Variants in DCDC2C observed in about 807,000 individuals in gnomAD.
The protein encoded by DCDC2C is doublecortin domain containing 2C, also known as doublecortin domain-containing protein 2C.
Under a neutral mutation model 45.0 loss-of-function variants are expected in DCDC2C, and 44 were observed. That is an observed-to-expected ratio of 0.98 (90% CI 0.77 to 1.26). The LOEUF (loss-of-function observed/expected upper bound fraction) is 1.26, where lower values mean the gene tolerates loss of function less well. DCDC2C is among the 50% of genes most tolerant of loss of function. The pLI is 0.00. For synonymous variants in DCDC2C, 187 were observed against 178.8 expected (o/e 1.05, Z -0.37); for missense variants, 447 against 468.9 (o/e 0.95, Z 0.43).
chr2:3,816,399 A>C (rs1671560217), intron 10 of DCDC2C, among the ~76,000 whole-genome samples: 1 of 152,170 alleles, frequency 6.6e-6, no homozygotes, highest in Non-Finnish European at 1.5e-5. Flanking sequence ...AGATTGATTT[A>C]GGTAAAAACA....
rs1375198374 is a variant in DCDC2C at position 3,703,990 on chromosome 2, C to A, written c.239C>A (p.Ala80Glu). The A allele has an allele frequency of 1.5e-6, 2 of 1,294,442 alleles. No homozygotes were observed. The highest frequency in any genetic ancestry group is 2.0e-6 in the Non-Finnish European group (2 of 1,020,992). The allele number at this position is 1,294,442 out of a possible 1,614,324, so 80.2% of individuals were successfully genotyped here. ...HRVLGLDALQ[A>E]GGKYVAAGRE... ...GTGCTGGGGCTGGACGCGCTGCAGG[C>A]GGGCGGCAAGTACGTGGCGGCGGGC... The change falls in exon 1 of 11, where the codon GCG (alanine) becomes GAG (glutamate). Residue 80 changes from alanine (A) to glutamate (E), a missense_variant. Physicochemically the swap from Ala to Glu is moderately radical, Grantham distance 107. Coordinates refer to ENST00000399143, the MANE Select transcript of DCDC2C (RefSeq NM_001287444.2). The surrounding 1 kb of genome is among the most constrained non-coding windows in gnomAD (Gnocchi z 4.4).
chr2:3,801,765 C>T (rs1008673035), intron 10 of DCDC2C, among the ~76,000 whole-genome samples: 1 of 152,228 alleles, frequency 6.6e-6, no homozygotes, highest in African/African-American at 2.4e-5. Flanking sequence ...CTGCCTTTCC[C>T]TGCAGCATGC....
At chr2:3,785,232 C>T (rs1402195309) in intron 10 of DCDC2C, 132 bp downstream of exon 10, 8 of 587,966 alleles carry the variant, frequency 1.4e-5, no homozygotes, top group African/African-American at 1.2e-4. Context: ...CTGTCATACA[C>T]CCTAGCTCTA....
chr2:3,798,757 C>G (rs1671030355), intron 10 of DCDC2C, among the ~76,000 whole-genome samples: 1 of 152,176 alleles, frequency 6.6e-6, no homozygotes, highest in Non-Finnish European at 1.5e-5. Flanking sequence ...GTCTGATGGG[C>G]TTCCCTTTGA....
At chr2:3,717,665 G>C (rs889055542) in intron 2 of DCDC2C, among the ~76,000 whole-genome samples, 1 of 152,110 alleles carries the variant, frequency 6.6e-6, no homozygotes, top group Non-Finnish European at 1.5e-5. Context: ...CACTCCTCTT[G>C]GCTCCAGGGA....
chr2:3,729,511 G>A (rs1668796333), intron 3 of DCDC2C, among the ~76,000 whole-genome samples: 2 of 152,216 alleles, frequency 1.3e-5, no homozygotes, highest in Non-Finnish European at 2.9e-5. Context: ...GGGAGCAAGT[G>A]GGGCCTCAGG....
intron 10 of DCDC2C, chr2:3,844,274 A>G (rs1165021148): frequency 6.5e-6 from 1 of 153,466 alleles, no homozygotes; most frequent in Non-Finnish European, 1.5e-5. Flanking sequence ...GCCACCTGAG[A>G]TGCCAGAGTC....
intron 8 of DCDC2C, among the ~76,000 whole-genome samples, chr2:3,770,781 G>A (rs552951610): frequency 1.8e-4 from 28 of 152,338 alleles, no homozygotes; most frequent in Admixed American, 5.9e-4. Context: ...ATAACTTTGC[G>A]TATAATAAGC....
chr2:3,833,675 A>G (rs566117631), intron 10 of DCDC2C, among the ~76,000 whole-genome samples: 1 of 152,370 alleles, frequency 6.6e-6, no homozygotes, highest in South Asian at 2.1e-4. Flanking sequence ...CAGCCAAAAG[A>G]TGAACATAAA....
intron 4 of DCDC2C, among the ~76,000 whole-genome samples, chr2:3,744,792 C>T (rs1307404215): frequency 6.6e-6 from 1 of 152,126 alleles, no homozygotes; most frequent in Non-Finnish European, 1.5e-5. Flanking sequence ...CCATGAGTAA[C>T]CTCGTGGCAG....
intron 2 of DCDC2C, 108 bp from the exon 3 acceptor site, chr2:3,726,895 G>A (rs1668704618): frequency 1.0e-6 from 1 of 990,920 alleles, no homozygotes; most frequent in South Asian, 1.5e-5. Flanking sequence ...TTGACAAAGG[G>A]GTTCCCCCCC....
rs1362227116 is a variant in DCDC2C at position 3,847,190 on chromosome 2, C to G, written c.*7C>G. 4.1e-6 allele frequency: 5 copies of G among 1,231,456 alleles called. No homozygotes were observed. The highest frequency in any genetic ancestry group is 5.1e-6 in the Non-Finnish European group (5 of 987,740). The allele number at this position is 1,231,456 out of a possible 1,614,324, so 76.3% of individuals were successfully genotyped here. A position where few individuals can be genotyped will look rare whatever the true frequency, so the allele number is the denominator to read the frequency against. The stretch of plus-strand genomic sequence containing the variant: ...GTGGAAACCTGTAGATTAACAAAAC[C>G]ACCTTTATTATTACCTGAAGTCCAC... On this transcript the variant is annotated 3_prime_UTR_variant, in exon 11 of 11. Coordinates refer to ENST00000399143, the MANE Select transcript of DCDC2C (RefSeq NM_001287444.2).
chr2:3,750,886 G>T (rs1350343625), intron 4 of DCDC2C, among the ~76,000 whole-genome samples: 1 of 151,956 alleles, frequency 6.6e-6, no homozygotes, highest in African/African-American at 2.4e-5. Flanking sequence ...TCATCTCTCA[G>T]CTCTTCTTCT....
intron 10 of DCDC2C, among the ~76,000 whole-genome samples, chr2:3,817,255 G>A (rs1432604587): frequency 1.3e-5 from 2 of 152,226 alleles, no homozygotes; most frequent in African/African-American, 4.8e-5. Flanking sequence ...TCCTTTGGAA[G>A]TAAAGCGGCC....
At chr2:3,767,699 A>T in intron 6 of DCDC2C, 55 bp from the exon 7 acceptor site, 1 of 1,536,864 alleles carries the variant, frequency 6.5e-7, no homozygotes, top group Non-Finnish European at 8.8e-7. Flanking sequence ...ACCTGATCGG[A>T]CTCCTTGTAT....
At chr2:3,729,475 TG>T (rs1387325259) in intron 3 of DCDC2C, among the ~76,000 whole-genome samples, 1 of 152,196 alleles carries the variant, frequency 6.6e-6, no homozygotes, top group Non-Finnish European at 1.5e-5. Flanking sequence ...GGAAGTGATT[TG>T]GGCGTTTTAA....
intron 2 of DCDC2C, among the ~76,000 whole-genome samples, chr2:3,724,859 AG>A (rs1187828677): frequency 2.6e-5 from 4 of 152,096 alleles, no homozygotes. Context: ...GAGGTTCAAG[AG>A]CTGAGTCCCA....
At chr2:3,797,807 A>G (rs199722791) in intron 10 of DCDC2C, among the ~76,000 whole-genome samples, 19,052 of 150,040 alleles carry the variant, frequency 0.13, 1,343 homozygotes, top group East Asian at 0.27. Flanking sequence ...GTCAATTTTG[A>G]AATAGGTGTG....
intron 2 of DCDC2C, among the ~76,000 whole-genome samples, chr2:3,724,122 T>C (rs547594401): frequency 5.9e-5 from 9 of 152,250 alleles, no homozygotes; most frequent in African/African-American, 2.2e-4. Flanking sequence ...TAACGCACGA[T>C]GAGATCCATT....
Sources: allele counts gnomAD v4.1 joint callset (sites outside exome capture counted in the v4.1 genomes callset), GRCh38; gene constraint gnomAD v4.1.1; non-coding constraint Gnocchi (gnomAD v3.1); transcripts MANE v1.5; gene names NCBI Gene and HGNC (gene_info 2026-07-23, HGNC 2026-07-21).